The following PLXND1 variants were observed in gnomAD, a reference collection of about 807,000 sequenced individuals.
PLXND1 encodes the protein plexin D1.
A neutral mutation model predicts 197.7 loss-of-function variants in PLXND1; 54 were observed. The ratio of observed to expected loss-of-function variants is 0.27; its 90% CI spans 0.22 to 0.34. PLXND1 has a LOEUF of 0.34. Ranked by LOEUF, PLXND1 falls within the 10% of genes least tolerant of loss-of-function variation. The pLI is 1.00. For synonymous variants in PLXND1, 1,180 were observed against 1,161.2 expected, an observed-to-expected ratio of 1.02 and a Z score of -0.33; for missense variants, 2,127 against 2,699.2, an observed-to-expected ratio of 0.79 and a Z score of 4.70.
intron 34 of PLXND1, 100 bp from the exon 35 acceptor site, chr3:129,556,791 G>A (rs1298242403): frequency 9.3e-6 from 8 of 864,732 alleles, no homozygotes; most frequent in East Asian, 5.2e-5. Flanking sequence ...AACTCCCCAC[G>A]GCCCCCACAG....
At chr3:129,560,998 C>T (rs778499848) in intron 29 of PLXND1, 5 of 586,094 alleles carry the variant, frequency 8.5e-6, no homozygotes, top group Admixed American at 4.3e-5. Flanking sequence ...ACACAGCGAG[C>T]GAGACAGAGT....
Position 129,605,321 on chromosome 3 carries a change from G to A in PLXND1, c.1311+8C>T. ...GCCGCCGCCGCCGCCGCCACCGCCCGGGTGTACCTGGATGTTGAGCTTGCG... is the reference window on the plus strand; with the variant it reads ...GCCGCCGCCGCCGCCGCCACCGCCCAGGTGTACCTGGATGTTGAGCTTGCG... On this transcript the variant is annotated splice_region_variant and intron_variant, in intron 1 of 35. Coordinates refer to ENST00000324093, the MANE Select transcript of PLXND1 (RefSeq NM_015103.3). The A allele has an allele frequency of 7.8e-7, 1 of 1,287,436 alleles. No homozygotes were observed. Among genetic ancestry groups the A allele is most frequent in the African/African-American group, 1.6e-5 (1 of 62,784 alleles). The allele number at this position is 1,287,436 out of a possible 1,614,324, so 79.8% of individuals were successfully genotyped here.
At chr3:129,569,421 T>G (rs1015134480) in intron 20 of PLXND1, 4 of 174,140 alleles carry the variant, frequency 2.3e-5, no homozygotes, top group Admixed American at 2.2e-4. Flanking sequence ...TTCCCTCTAG[T>G]AGCGTATGAT....
rs369498963 is a variant in PLXND1, at chr3:129,556,333, G to A, written c.5757C>T (p.Tyr1919=). ...QVVALMEDNI[Y]ECYSEA is the part of the protein sequence containing the mutation. The stretch of plus-strand genomic sequence containing the variant: ...TGTCTCAGGCCTCACTGTAGCACTC[G>A]TAGATGTTGTCCTCCATCAAAGCCA... The change falls in exon 36 of 36, where the codon TAC becomes TAT. Residue 1919 remains tyrosine (Y), a synonymous_variant. Transcript: ENST00000324093. The A allele has an allele frequency of 9.9e-6, 16 of 1,612,258 alleles. No homozygotes were observed. Among genetic ancestry groups the A allele is most frequent in the African/African-American group, 4.0e-5 (3 of 75,014 alleles).
chr3:129,570,056 C>A, intron 19 of PLXND1, 99 bp from the exon 20 acceptor site: 1 of 714,508 alleles, frequency 1.4e-6, no homozygotes, highest in Non-Finnish European at 2.6e-6. Context: ...TACCTAACCT[C>A]TCTGAGCCTC....
At chr3:129,572,801 G>A (rs779612118) in intron 14 of PLXND1, 41 bp downstream of exon 14, 53 of 1,612,188 alleles carry the variant, frequency 3.3e-5, no homozygotes, top group Middle Eastern at 3.3e-4. Flanking sequence ...GGGAGTGTGC[G>A]TGCTGGGCGG....
rs915594982 is a variant in PLXND1, at chr3:129,605,553, G to A, written c.1087C>T (p.Pro363Ser). ...ACAGCAAAGAGCCGCTCCCGGGCTG[G>A]GAAGACCGACACCAGGCGGCTGTAG... ...DLYSRLVSVFPARERLFAVFE... is the reference protein window; with the variant it reads ...DLYSRLVSVFSARERLFAVFE... The change falls in exon 1 of 36, where the codon CCA (proline) becomes TCA (serine). Residue 363 changes from proline (P) to serine (S), a missense_variant. Pro to Ser is a moderately conservative substitution (Grantham distance 74). Around this residue, in one of 6 missense-constraint regions of PLXND1, gnomAD observed 1,095 missense variants for 1,259.8 expected, o/e 0.87. Coordinates refer to ENST00000324093, the MANE Select transcript of PLXND1 (RefSeq NM_015103.3). 9.8e-6 allele frequency: 15 copies of A among 1,531,362 alleles called. No homozygotes were observed. Among genetic ancestry groups the A allele is most frequent in the African/African-American group, 1.4e-5 (1 of 71,166 alleles). 94.9% of individuals were successfully genotyped at this position (1,531,362 alleles called of 1,614,324 possible).
intron 8 of PLXND1, among the ~76,000 whole-genome samples, chr3:129,582,428 T>C (rs75141448): frequency 0.011 from 1,661 of 152,352 alleles, 39 homozygotes; most frequent in African/African-American, 0.037. Flanking sequence ...GGTGCCATGC[T>C]GGTTATCTCA....
At chr3:129,560,972 A>G (rs1249206605) in intron 29 of PLXND1, 5 of 633,510 alleles carry the variant, frequency 7.9e-6, no homozygotes, top group African/African-American at 5.4e-5. Flanking sequence ...GAGAGAGATA[A>G]GTGAGATCCA....
chr3:129,579,510 A>C (rs138243104), intron 8 of PLXND1, among the ~76,000 whole-genome samples: 179 of 152,232 alleles, frequency 1.2e-3, no homozygotes, highest in African/African-American at 3.9e-3. Context: ...GCTGGGAGGT[A>C]TGGACCCCCC....
At chr3:129,575,895 C>G (rs756980377) in intron 9 of PLXND1, 40 bp from the exon 10 acceptor site, 2 of 1,259,218 alleles carry the variant, frequency 1.6e-6, no homozygotes, top group East Asian at 2.4e-5. Flanking sequence ...TTGAGGAGAA[C>G]CAAGCCAGCA....
intron 1 of PLXND1, among the ~76,000 whole-genome samples, chr3:129,601,819 T>C (rs1028090450): frequency 6.6e-6 from 1 of 152,196 alleles, no homozygotes; most frequent in Non-Finnish European, 1.5e-5. Context: ...AGAGCCCACC[T>C]GCCACCCTCC....
chr3:129,574,608 AC>A, intron 11 of PLXND1, 118 bp from the exon 12 acceptor site: 1 of 1,034,926 alleles, frequency 9.7e-7, no homozygotes, highest in Non-Finnish European at 1.4e-6. Context: ...GTGGTGCCCC[AC>A]CCAGAGGAAG....
intron 9 of PLXND1, 83 bp from the exon 10 acceptor site, chr3:129,575,938 G>T: frequency 2.5e-6 from 2 of 803,776 alleles, no homozygotes; most frequent in East Asian, 2.6e-5. Flanking sequence ...AGGACACCAC[G>T]GGCTCCTGCT....
chr3:129,604,928 A>G (rs1486818415), intron 1 of PLXND1, among the ~76,000 whole-genome samples: 1 of 152,198 alleles, frequency 6.6e-6, no homozygotes, highest in Non-Finnish European at 1.5e-5. Flanking sequence ...TAACTCTGAC[A>G]GGCTCACGCA....
intron 1 of PLXND1, among the ~76,000 whole-genome samples, chr3:129,590,998 G>T (rs1170215413): frequency 2.7e-5 from 2 of 74,942 alleles, no homozygotes; most frequent in Non-Finnish European, 5.3e-5. Context: ...CACTGATGAT[G>T]TGCCTGCCTG....
At position 129,606,657 on chromosome 3, in the gene PLXND1, G is replaced by T. The variant is rs2085801354; in HGVS notation, c.-18C>A. On this transcript the variant is annotated 5_prime_UTR_variant, in exon 1 of 36. Transcript: ENST00000324093. ...GGAGCCATCCGGGCGTGCGCGGGCTGCGCGGCGCGGCGAGTGCATGGGGCG... is the reference window on the plus strand; with the variant it reads ...GGAGCCATCCGGGCGTGCGCGGGCTTCGCGGCGCGGCGAGTGCATGGGGCG... 4 of 959,978 alleles carry T rather than the reference G, an allele frequency of 4.2e-6. No homozygotes were observed. The highest frequency in any genetic ancestry group is 6.1e-5 in the Admixed American group (1 of 16,290). 59.5% of individuals were successfully genotyped at this position (959,978 alleles called of 1,614,324 possible).
At chr3:129,595,671 G>A (rs759106974) in intron 1 of PLXND1, among the ~76,000 whole-genome samples, 2 of 152,172 alleles carry the variant, frequency 1.3e-5, no homozygotes, top group Admixed American at 6.5e-5. Context: ...TGGAAGAGGC[G>A]GGTCACCCAG....
At chr3:129,599,197 T>C (rs1038955661) in intron 1 of PLXND1, among the ~76,000 whole-genome samples, 2 of 152,186 alleles carry the variant, frequency 1.3e-5, no homozygotes, top group African/African-American at 4.8e-5. Context: ...CTGGTTTCCT[T>C]AATCTCCATG....
Sources: allele counts gnomAD v4.1 joint callset (sites outside exome capture counted in the v4.1 genomes callset), GRCh38; gene constraint gnomAD v4.1.1; regional missense constraint gnomAD v4.1.1; transcripts MANE v1.5; gene names NCBI Gene and HGNC (gene_info 2026-07-23, HGNC 2026-07-21).